CNTNAP2: variants seen among roughly 807,000 people sequenced by gnomAD.
CNTNAP2 encodes the protein contactin-associated protein-like 2.
Under a neutral mutation model 155.2 loss-of-function variants are expected in CNTNAP2, and 98 were observed. The observed-to-expected ratio is 0.63, with a 90% CI of 0.54 to 0.75. The LOEUF (loss-of-function observed/expected upper bound fraction) is 0.75. Among genes scored for constraint, CNTNAP2 ranks in the 30% least tolerant of loss-of-function variants. The probability of loss-of-function intolerance (pLI) is 0.00; values close to 1 mark genes in which losing one functional copy is unlikely to be tolerated. For synonymous variants in CNTNAP2, 651 were observed against 631.2 expected (o/e 1.03, Z -0.47); for missense variants, 1,727 against 1,688.1 (o/e 1.02, Z -0.40).
At chr7:147,088,781 C>T (rs962867962) in intron 4 of CNTNAP2, among the ~76,000 whole-genome samples, 2 of 151,864 alleles carry the variant, frequency 1.3e-5, no homozygotes, top group East Asian at 1.9e-4. Flanking sequence ...CATCTCTACA[C>T]AAAAATACAA....
At chr7:146,466,414 C>T (rs1375232391) in intron 1 of CNTNAP2, among the ~76,000 whole-genome samples, 1 of 152,194 alleles carries the variant, frequency 6.6e-6, no homozygotes, top group Admixed American at 6.5e-5. Context: ...TGCATTTGAA[C>T]TACAACAATG....
At chr7:146,524,383 T>G (rs1462540115) in intron 1 of CNTNAP2, among the ~76,000 whole-genome samples, 1 of 152,132 alleles carries the variant, frequency 6.6e-6, no homozygotes, top group Non-Finnish European at 1.5e-5. Flanking sequence ...ATTTCATTTT[T>G]TTTTCTATGT....
intron 13 of CNTNAP2, among the ~76,000 whole-genome samples, chr7:147,644,544 C>T (rs1008406599): frequency 2.6e-5 from 4 of 152,134 alleles, no homozygotes; most frequent in Non-Finnish European, 4.4e-5. Context: ...ATCACTTGAA[C>T]TCGGGAGGCA....
intron 10 of CNTNAP2, among the ~76,000 whole-genome samples, chr7:147,455,236 T>C (rs569656915): frequency 6.6e-6 from 1 of 152,236 alleles, no homozygotes; most frequent in South Asian, 2.1e-4. Flanking sequence ...TTTTTATAGA[T>C]TGAATAACTC....
chr7:148,017,155 G>A lies in CNTNAP2; in HGVS notation c.2383+39166G>A, dbSNP rs374872043. On this transcript the variant is annotated intron_variant, in intron 15 of 23. Transcript: ENST00000361727. ...CTCAGCACCTGAGCTTCTCATCTGC[G>A]TATGGTTGCTCAGCTTGGTCACTGA... 7.3e-4 allele frequency among the ~76,000 whole-genome samples: 111 copies of A among 152,284 alleles called. No homozygotes were observed. The East Asian group carries it at 7.3e-3, about 10-fold the overall frequency.
At chr7:146,463,618 A>C (rs1440253451) in intron 1 of CNTNAP2, among the ~76,000 whole-genome samples, 3 of 152,096 alleles carry the variant, frequency 2.0e-5, no homozygotes, top group East Asian at 1.9e-4. Context: ...ATGTATATAC[A>C]TATATGCACA....
At chr7:146,248,084 G>A (rs1218782042) in intron 1 of CNTNAP2, among the ~76,000 whole-genome samples, 2 of 148,114 alleles carry the variant, frequency 1.4e-5, no homozygotes, top group Non-Finnish European at 2.9e-5. Context: ...AGAGGCTGGG[G>A]CATGGAAATA....
intron 13 of CNTNAP2, among the ~76,000 whole-genome samples, chr7:147,685,570 G>T (rs1474663714): frequency 6.6e-6 from 1 of 151,588 alleles, no homozygotes; most frequent in Non-Finnish European, 1.5e-5. Context: ...TTCCTTCACA[G>T]ATATTCTTGG....
chr7:147,353,619 G>A (rs182988456), intron 9 of CNTNAP2, among the ~76,000 whole-genome samples: 9 of 152,128 alleles, frequency 5.9e-5, no homozygotes, highest in Admixed American at 1.3e-4. Context: ...GTGTGTATGC[G>A]TCTTTAGAGT....
chr7:147,195,733 G>A (rs12703884), intron 8 of CNTNAP2, among the ~76,000 whole-genome samples: 12,828 of 152,074 alleles, frequency 0.084, 564 homozygotes, highest in Non-Finnish European at 0.11. Context: ...TTGGTGTTAA[G>A]GAATGCTTGT....
At chr7:148,353,416 A>G (rs6464877) in intron 21 of CNTNAP2, among the ~76,000 whole-genome samples, 99,084 of 152,056 alleles carry the variant, frequency 0.65, 33,029 homozygotes, top group East Asian at 0.94. Context: ...CTCGTTGTCC[A>G]TAAAACACTC....
intron 1 of CNTNAP2, among the ~76,000 whole-genome samples, chr7:146,133,364 G>A (rs746293596): frequency 3.8e-4 from 57 of 151,734 alleles, no homozygotes; most frequent in East Asian, 3.9e-4. Flanking sequence ...TTTGTAGGTT[G>A]CCTGTTCACT....
At chr7:148,017,587 T>C (rs1246991160) in intron 15 of CNTNAP2, among the ~76,000 whole-genome samples, 2 of 152,194 alleles carry the variant, frequency 1.3e-5, no homozygotes, top group Non-Finnish European at 2.9e-5. Context: ...TTTTAGAATA[T>C]AAACTAGAAC....
chr7:146,868,894 A>G (rs1039631403), intron 3 of CNTNAP2, among the ~76,000 whole-genome samples: 1 of 151,938 alleles, frequency 6.6e-6, no homozygotes, highest in African/African-American at 2.4e-5. Flanking sequence ...GAAGTTGTTT[A>G]TCTGCTGGAA....
chr7:147,145,061 T>C (rs962523219), intron 8 of CNTNAP2, among the ~76,000 whole-genome samples: 1 of 152,196 alleles, frequency 6.6e-6, no homozygotes, highest in Admixed American at 6.5e-5. Flanking sequence ...AAGTCAGAAT[T>C]ATAGCTCATC....
intron 3 of CNTNAP2, among the ~76,000 whole-genome samples, chr7:147,001,574 G>A (rs960970767): frequency 1.3e-5 from 2 of 151,850 alleles, no homozygotes; most frequent in African/African-American, 4.8e-5. Context: ...AATTCTGTAC[G>A]TCTTTCCAAC....
intron 3 of CNTNAP2, among the ~76,000 whole-genome samples, chr7:146,936,596 T>A (rs1294700538): frequency 6.6e-6 from 1 of 152,224 alleles, no homozygotes; most frequent in Non-Finnish European, 1.5e-5. Flanking sequence ...TACTTTTATA[T>A]CTGAGTCCTT....
chr7:146,911,180 A>G (rs952084889), intron 3 of CNTNAP2, among the ~76,000 whole-genome samples: 2 of 152,064 alleles, frequency 1.3e-5, no homozygotes, highest in Non-Finnish European at 2.9e-5. Context: ...TGATGTGGAG[A>G]AATAGGAACA....
chr7:146,596,754 TTTC>T (rs1798868786), intron 1 of CNTNAP2, among the ~76,000 whole-genome samples: 1 of 152,032 alleles, frequency 6.6e-6, no homozygotes, highest in South Asian at 2.1e-4. Context: ...AGCAATATCA[TTTC>T]TTTTGTGACC....
Sources: gnomAD v4.1 joint callset for allele counts (sites outside exome capture counted in the v4.1 genomes callset) on GRCh38, gnomAD v4.1.1 for gene constraint, MANE v1.5 for transcripts, NCBI Gene and HGNC (gene_info 2026-07-23, HGNC 2026-07-21) for gene names.